The following SYNDIG1L variants were observed in gnomAD, a reference collection of about 807,000 sequenced individuals.
SYNDIG1L encodes the protein synapse differentiation-inducing gene protein 1-like.
A neutral mutation model predicts 20.1 loss-of-function variants in SYNDIG1L; 13 were observed. The ratio of observed to expected loss-of-function variants is 0.65; its 90% CI spans 0.42 to 1.03. The LOEUF is 1.03. Ranked by LOEUF, SYNDIG1L falls within the 50% of genes least tolerant of loss-of-function variation. The pLI is 0.00. For synonymous variants in SYNDIG1L, 128 were observed against 129.3 expected (o/e 0.99, Z 0.07); for missense variants, 294 against 305.1 (o/e 0.96, Z 0.27).
intron 1 of SYNDIG1L, among the ~76,000 whole-genome samples, chr14:74,411,608 G>T (rs1187414724): frequency 6.6e-6 from 1 of 152,216 alleles, no homozygotes. Context: ...ACAGAGCATG[G>T]CTCCAGGAAC....
At chr14:74,455,919 C>A in the SYNDIG1L span, among the ~76,000 whole-genome samples, 9 of 152,208 alleles carry the variant, frequency 5.9e-5, no homozygotes, top group Admixed American at 3.3e-4. Flanking sequence ...AGATGAGACT[C>A]CTTTCAGTGG....
chr14:74,476,212 T>C, the SYNDIG1L span: 1 of 576,334 alleles, frequency 1.7e-6, no homozygotes, highest in South Asian at 2.0e-5. Context: ...GGCAGAGCAA[T>C]GCATTTCTCC....
chr14:74,409,376 C>G lies in SYNDIG1L; in HGVS notation c.369G>C (p.Gly123=), dbSNP rs200501895. ...CCTGGTCCCGCAGCTCCTCTTGTAC[C>G]CCATAGGACACAGTCTGGATGGTGA... ...ENVTIQTVSY[G]VQEELRDQED... Residue 123 remains glycine, a synonymous_variant, in exon 2 of 4, where the codon GGG becomes GGC. Transcript: ENST00000331628. The G allele has an allele frequency of 7.2e-4, 1,158 of 1,602,510 alleles. 11 individuals are homozygous for G. In the South Asian group the frequency reaches 0.012, roughly 17 times the overall value.
the SYNDIG1L span, among the ~76,000 whole-genome samples, chr14:74,443,914 G>A: frequency 6.6e-6 from 1 of 152,152 alleles, no homozygotes; most frequent in Non-Finnish European, 1.5e-5. Context: ...GCATATTTCA[G>A]TTACATTTCA....
At chr14:74,434,069 C>T in the SYNDIG1L span, among the ~76,000 whole-genome samples, 21 of 151,934 alleles carry the variant, frequency 1.4e-4, no homozygotes, top group Non-Finnish European at 1.3e-4. Flanking sequence ...AATATAACAA[C>T]AAGTATGCCA....
chr14:74,427,420 C>A (rs543497664), upstream of SYNDIG1L, among the ~76,000 whole-genome samples: 1 of 152,090 alleles, frequency 6.6e-6, no homozygotes, highest in East Asian at 1.9e-4. Flanking sequence ...GACTCCAGGA[C>A]TCCTTCACTC....
the SYNDIG1L span, chr14:74,473,886 A>C: frequency 6.6e-5 from 10 of 152,364 alleles, no homozygotes; most frequent in African/African-American, 2.2e-4. Context: ...CAGGAGAGCC[A>C]GCTGCATTAC....
At chr14:74,449,252 A>G in the SYNDIG1L span, among the ~76,000 whole-genome samples, 1 of 148,598 alleles carries the variant, frequency 6.7e-6, no homozygotes, top group Non-Finnish European at 1.5e-5. Flanking sequence ...GAAAAAAAGA[A>G]AAAAAAAAAG....
At chr14:74,465,657 G>A in the SYNDIG1L span, among the ~76,000 whole-genome samples, 4 of 152,182 alleles carry the variant, frequency 2.6e-5, no homozygotes, top group Non-Finnish European at 5.9e-5. Context: ...GCAACATCCA[G>A]GTTCTGACAG....
chr14:74,470,390 G>A, the SYNDIG1L span, among the ~76,000 whole-genome samples: 2 of 152,054 alleles, frequency 1.3e-5, no homozygotes, highest in African/African-American at 4.8e-5. Flanking sequence ...CTGCTCCTGG[G>A]GTGGTTGACT....
chr14:74,416,837 C>A (rs1370242346), intron 1 of SYNDIG1L, among the ~76,000 whole-genome samples: 3 of 152,192 alleles, frequency 2.0e-5, no homozygotes, highest in African/African-American at 7.2e-5. Flanking sequence ...TATATCATCT[C>A]ATTTAATCCT....
chr14:74,410,543 G>A (rs2086122462), intron 1 of SYNDIG1L, among the ~76,000 whole-genome samples: 1 of 152,124 alleles, frequency 6.6e-6, no homozygotes, highest in African/African-American at 2.4e-5. Flanking sequence ...CAGAGGGCTG[G>A]ACCGACTGAC....
Position 74,409,588 on chromosome 14 carries a change from G to T in SYNDIG1L, c.157C>A (p.Gln53Lys). ...LGGAGPAGAH[Q>K]LLDPGSLQLA... is the part of the protein sequence containing the mutation. ...TGCAGGGACCCTGGGTCCAGGAGCT[G>T]GTGGGCTCCGGCAGGCCCAGCGCCA... Residue 53 changes from glutamine (Q) to lysine (K), a missense_variant, in exon 2 of 4, where the codon CAG becomes AAG. Coordinates refer to ENST00000331628, the MANE Select transcript of SYNDIG1L (RefSeq NM_001105579.2). 1 of 1,509,234 alleles carries T rather than the reference G, an allele frequency of 6.6e-7. No homozygotes were observed. Among genetic ancestry groups the T allele is most frequent in the South Asian group, 1.4e-5 (1 of 73,998 alleles). 93.5% of individuals were successfully genotyped at this position (1,509,234 alleles called of 1,614,324 possible).
chr14:74,439,169 T>C, the SYNDIG1L span, among the ~76,000 whole-genome samples: 4,134 of 151,448 alleles, frequency 0.027, 187 homozygotes, highest in African/African-American at 0.095. Context: ...TGGTGTCTTT[T>C]CCCAGACTCC....
chr14:74,465,959 G>A, the SYNDIG1L span, among the ~76,000 whole-genome samples: 7 of 152,194 alleles, frequency 4.6e-5, no homozygotes, highest in African/African-American at 1.7e-4. Flanking sequence ...CCACCAGCCC[G>A]GTCCAAGGAT....
the SYNDIG1L span, among the ~76,000 whole-genome samples, chr14:74,442,164 C>T: frequency 2.6e-5 from 4 of 151,912 alleles, no homozygotes; most frequent in African/African-American, 4.8e-5. Flanking sequence ...GAATGTTCAC[C>T]GTGAGCCAGG....
At chr14:74,460,004 A>G in the SYNDIG1L span, among the ~76,000 whole-genome samples, 1 of 151,940 alleles carries the variant, frequency 6.6e-6, no homozygotes, top group Admixed American at 6.5e-5. Context: ...CGTCCATTCA[A>G]AATTTCCCCT....
upstream of SYNDIG1L, among the ~76,000 whole-genome samples, chr14:74,429,440 C>A (rs1298341329): frequency 6.6e-6 from 1 of 152,224 alleles, no homozygotes; most frequent in Non-Finnish European, 1.5e-5. Flanking sequence ...GTTCTTTTTA[C>A]AAGGGGTTGA....
chr14:74,477,616 CTTT>C, the SYNDIG1L span, among the ~76,000 whole-genome samples: 24,271 of 152,016 alleles, frequency 0.16, 2,037 homozygotes, highest in South Asian at 0.26. Context: ...ATGCTTGTTG[CTTT>C]TTATTAGTAT....
Sources: allele counts gnomAD v4.1 joint callset (sites outside exome capture counted in the v4.1 genomes callset), GRCh38; gene constraint gnomAD v4.1.1; transcripts MANE v1.5; gene names NCBI Gene and HGNC (gene_info 2026-07-23, HGNC 2026-07-21).